NREP: variants seen among roughly 807,000 people sequenced by gnomAD.
NREP encodes neuronal regeneration-related protein.
Under a neutral mutation model 8.6 loss-of-function variants are expected in NREP, and 5 were observed. That is an observed-to-expected ratio of 0.58 (90% confidence interval 0.30 to 1.22). The LOEUF (loss-of-function observed/expected upper bound fraction) is 1.22. NREP is among the 50% of genes most tolerant of loss of function. The pLI, the probability that NREP is intolerant of heterozygous loss-of-function variation, is 0.07. For missense variants in NREP, 86 were observed against 82.5 expected, an observed-to-expected ratio of 1.04 and a Z score of -0.17; for synonymous variants, 27 against 28.0, an observed-to-expected ratio of 0.96 and a Z score of 0.11.
intron 2 of NREP, among the ~76,000 whole-genome samples, chr5:111,794,179 G>A (rs1751822754): frequency 1.3e-5 from 2 of 152,178 alleles, no homozygotes. Flanking sequence ...TCAAATGCTG[G>A]CAAGGATGTC....
intron 2 of NREP, among the ~76,000 whole-genome samples, chr5:111,869,116 T>C (rs1396416849): frequency 1.3e-5 from 2 of 152,198 alleles, no homozygotes; most frequent in Non-Finnish European, 2.9e-5. Context: ...CAAATATTGC[T>C]ATTTGTCTGT....
intron 2 of NREP, among the ~76,000 whole-genome samples, chr5:111,891,797 G>A (rs148964535): frequency 1.3e-5 from 2 of 152,124 alleles, no homozygotes; most frequent in Non-Finnish European, 1.5e-5. Flanking sequence ...GAACTCACTC[G>A]CTATCGTGAG....
chr5:111,902,030 C>A (rs1487736450), intron 2 of NREP, among the ~76,000 whole-genome samples: 1 of 152,098 alleles, frequency 6.6e-6, no homozygotes, highest in Non-Finnish European at 1.5e-5. Flanking sequence ...GGAGGCACCA[C>A]ACTGTTAGAC....
At chr5:111,953,943 C>A (rs1656606292) in intron 2 of NREP, among the ~76,000 whole-genome samples, 1 of 151,974 alleles carries the variant, frequency 6.6e-6, no homozygotes, top group Admixed American at 6.6e-5. Flanking sequence ...ACCATGTGTA[C>A]CTGAGGGAGT....
intron 2 of NREP, among the ~76,000 whole-genome samples, chr5:111,844,667 TTA>T (rs1331207146): frequency 2.8e-5 from 4 of 144,480 alleles, no homozygotes; most frequent in Non-Finnish European, 3.0e-5. Context: ...ATTATATATA[TTA>T]TATATATATT....
intron 2 of NREP, among the ~76,000 whole-genome samples, chr5:111,948,070 T>G (rs1301105789): frequency 1.3e-5 from 2 of 152,042 alleles, no homozygotes; most frequent in Non-Finnish European, 2.9e-5. Context: ...GAAAATCCAT[T>G]TGTTAGTCCC....
intron 2 of NREP, among the ~76,000 whole-genome samples, chr5:111,837,140 G>C (rs1378813962): frequency 6.6e-6 from 1 of 152,030 alleles, no homozygotes; most frequent in African/African-American, 2.4e-5. Flanking sequence ...CTGAAATTTA[G>C]ATACTATTAC....
intron 2 of NREP, among the ~76,000 whole-genome samples, chr5:111,903,708 A>G (rs2112552299): frequency 1.3e-5 from 2 of 152,260 alleles, no homozygotes; most frequent in Middle Eastern, 6.8e-3. Flanking sequence ...ACAAGGGGCA[A>G]CATTTTAAAT....
At chr5:111,728,837 AC>A (rs1748318196), downstream of NREP, 1 of 152,202 alleles carries the variant, frequency 6.6e-6, no homozygotes, top group Non-Finnish European at 1.5e-5. Context: ...TTATCCTCTT[AC>A]AAAAGTTTAA....
At chr5:111,831,178 T>C (rs1317682748) in intron 2 of NREP, among the ~76,000 whole-genome samples, 2 of 152,180 alleles carry the variant, frequency 1.3e-5, no homozygotes, top group African/African-American at 4.8e-5. Context: ...GAAGCGCATC[T>C]GTGGTTTTAC....
chr5:111,878,534 T>G (rs1242115582), intron 2 of NREP, among the ~76,000 whole-genome samples: 2 of 152,180 alleles, frequency 1.3e-5, no homozygotes, highest in East Asian at 3.9e-4. Context: ...GTGGGGATTA[T>G]GGGGATTACA....
At chr5:111,838,364 C>T (rs767127848) in intron 2 of NREP, among the ~76,000 whole-genome samples, 96 of 152,066 alleles carry the variant, frequency 6.3e-4, no homozygotes, top group Non-Finnish European at 9.6e-4. Flanking sequence ...TAAATAATAC[C>T]GTGATGGTTA....
At chr5:111,731,540 T>C (rs919881212) in intron 3 of NREP, among the ~76,000 whole-genome samples, 3 of 152,122 alleles carry the variant, frequency 2.0e-5, no homozygotes, top group Non-Finnish European at 4.4e-5. Flanking sequence ...ATCAATCTTA[T>C]CTATGTATGG....
At chr5:111,821,354 C>G (rs1451244040) in intron 2 of NREP, among the ~76,000 whole-genome samples, 1 of 150,878 alleles carries the variant, frequency 6.6e-6, no homozygotes, top group Non-Finnish European at 1.5e-5. Context: ...TCCGTTTTAT[C>G]ATTCCCTTCT....
intron 2 of NREP, among the ~76,000 whole-genome samples, chr5:111,811,462 C>T (rs997705981): frequency 4.6e-5 from 7 of 152,156 alleles, no homozygotes; most frequent in African/African-American, 9.7e-5. Context: ...CCTCTTTCAA[C>T]GAAGACTTTG....
chr5:111,734,538 A>C (rs1316748352), intron 3 of NREP: 1 of 443,714 alleles, frequency 2.3e-6, no homozygotes, highest in East Asian at 3.4e-5. Flanking sequence ...CTTTCAGTGC[A>C]AACTGCCAGT....
intron 2 of NREP, among the ~76,000 whole-genome samples, chr5:111,960,289 T>C (rs1756443742): frequency 6.6e-6 from 1 of 152,212 alleles, no homozygotes; most frequent in African/African-American, 2.4e-5. Context: ...CTTTATTCCA[T>C]ACCTCAGCTG....
intron 2 of NREP, among the ~76,000 whole-genome samples, chr5:111,970,034 C>A (rs1756765035): frequency 6.6e-6 from 1 of 152,174 alleles, no homozygotes; most frequent in Admixed American, 6.5e-5. Flanking sequence ...AATTCTCTTT[C>A]CATTTTATGC....
intron 2 of NREP, among the ~76,000 whole-genome samples, chr5:111,896,842 G>T (rs924327845): frequency 1.3e-5 from 2 of 152,144 alleles, no homozygotes; most frequent in Non-Finnish European, 1.5e-5. Flanking sequence ...TGAGGTGGGG[G>T]TAAGAACAGG....
Sources: allele counts gnomAD v4.1 joint callset (sites outside exome capture counted in the v4.1 genomes callset), GRCh38; gene constraint gnomAD v4.1.1; transcripts MANE v1.5; gene names NCBI Gene and HGNC (gene_info 2026-07-23, HGNC 2026-07-21).